RANBP17: variants seen among roughly 807,000 people sequenced by gnomAD.
RANBP17 encodes ran-binding protein 17.
A neutral mutation model predicts 141.2 loss-of-function variants in RANBP17; 158 were observed. The ratio of observed to expected loss-of-function variants is 1.12; its 90% confidence interval spans 0.98 to 1.28. RANBP17 has a LOEUF of 1.28. RANBP17 is among the 50% of genes most tolerant of loss of function. The probability of loss-of-function intolerance (pLI) is 0.00; values close to 1 mark genes in which losing one functional copy is unlikely to be tolerated. For synonymous variants in RANBP17, 430 were observed against 450.0 expected, an observed-to-expected ratio of 0.96 and a Z score of 0.56; for missense variants, 1,438 against 1,290.7, an observed-to-expected ratio of 1.11 and a Z score of -1.75.
At chr5:171,093,537 G>C (rs141560430) in intron 14 of RANBP17, among the ~76,000 whole-genome samples, 2 of 152,280 alleles carry the variant, frequency 1.3e-5, no homozygotes, top group African/African-American at 4.8e-5. Context: ...TTCTGGAAAA[G>C]CACCTGCCAA....
chr5:171,216,382 C>T (rs1581044573), intron 21 of RANBP17, among the ~76,000 whole-genome samples: 2 of 152,110 alleles, frequency 1.3e-5, no homozygotes, highest in African/African-American at 4.8e-5. Flanking sequence ...CTTGGCTATA[C>T]GTGCCCTTTT....
chr5:171,034,990 T>C (rs1170456098), intron 14 of RANBP17, among the ~76,000 whole-genome samples: 1 of 152,008 alleles, frequency 6.6e-6, no homozygotes, highest in Non-Finnish European at 1.5e-5. Context: ...GGTTTGGTTT[T>C]TTTTTCTTAA....
chr5:171,134,492 T>C (rs977491949), intron 14 of RANBP17, among the ~76,000 whole-genome samples: 3 of 152,210 alleles, frequency 2.0e-5, no homozygotes, highest in Non-Finnish European at 4.4e-5. Flanking sequence ...GGGAAATGTC[T>C]CTGACAGGCA....
chr5:171,087,427 A>C (rs1458289012), intron 14 of RANBP17, among the ~76,000 whole-genome samples: 1 of 152,110 alleles, frequency 6.6e-6, no homozygotes, highest in South Asian at 2.1e-4. Context: ...GTGCTGAAAA[A>C]AATGTATATT....
At chr5:171,074,555 A>C (rs1784805703) in intron 14 of RANBP17, among the ~76,000 whole-genome samples, 1 of 152,206 alleles carries the variant, frequency 6.6e-6, no homozygotes, top group Non-Finnish European at 1.5e-5. Context: ...GGAGAAGCTC[A>C]ATAGAGGATA....
At chr5:170,874,212 T>C (rs1767980560) in intron 1 of RANBP17, among the ~76,000 whole-genome samples, 1 of 152,194 alleles carries the variant, frequency 6.6e-6, no homozygotes, top group African/African-American at 2.4e-5. Context: ...CTGTTATGAT[T>C]TCAGTTCTTT....
At chr5:170,950,941 G>A (rs1775162479) in intron 12 of RANBP17, among the ~76,000 whole-genome samples, 1 of 152,062 alleles carries the variant, frequency 6.6e-6, no homozygotes, top group South Asian at 2.1e-4. Context: ...AGGTGGAACT[G>A]GAGGTTAAGT....
At chr5:170,925,283 T>G (rs1772828505) in intron 12 of RANBP17, among the ~76,000 whole-genome samples, 1 of 152,162 alleles carries the variant, frequency 6.6e-6, no homozygotes, top group South Asian at 2.1e-4. Context: ...ATCCTTTACA[T>G]TTGAATAATG....
chr5:171,075,813 C>T (rs1488085858), intron 14 of RANBP17, among the ~76,000 whole-genome samples: 1 of 151,998 alleles, frequency 6.6e-6, no homozygotes, highest in Non-Finnish European at 1.5e-5. Flanking sequence ...ATTAGCTGGG[C>T]ATGGTGACAC....
intron 20 of RANBP17, among the ~76,000 whole-genome samples, chr5:171,209,326 A>G (rs1359154105): frequency 6.6e-6 from 1 of 152,192 alleles, no homozygotes; most frequent in Non-Finnish European, 1.5e-5. Flanking sequence ...ATATCAGTCT[A>G]AGGAATTTAG....
At chr5:170,930,157 T>G (rs186624340) in intron 12 of RANBP17, among the ~76,000 whole-genome samples, 2 of 151,718 alleles carry the variant, frequency 1.3e-5, no homozygotes, top group East Asian at 3.9e-4. Context: ...ATTTCACTGA[T>G]TTTTTTTCGC....
chr5:170,984,735 A>G (rs186085417), intron 14 of RANBP17, among the ~76,000 whole-genome samples: 20 of 152,338 alleles, frequency 1.3e-4, no homozygotes, highest in African/African-American at 4.8e-4. Flanking sequence ...AATATTTCTT[A>G]GACTGTATCA....
chr5:170,965,703 A>C (rs1176994167), intron 13 of RANBP17, among the ~76,000 whole-genome samples: 1 of 152,236 alleles, frequency 6.6e-6, no homozygotes, highest in East Asian at 1.9e-4. Flanking sequence ...AAGATCAGAT[A>C]GTTGTAGATA....
At chr5:170,936,306 A>G (rs1351694612) in intron 12 of RANBP17, among the ~76,000 whole-genome samples, 1 of 152,126 alleles carries the variant, frequency 6.6e-6, no homozygotes, top group African/African-American at 2.4e-5. Context: ...AGCCCTAGTG[A>G]GATGAATCCG....
intron 12 of RANBP17, among the ~76,000 whole-genome samples, chr5:170,933,177 A>G (rs1773549026): frequency 1.3e-5 from 2 of 152,284 alleles, no homozygotes; most frequent in Middle Eastern, 3.4e-3. Context: ...CATTTCTTCT[A>G]GATTTTCTAA....
intron 14 of RANBP17, among the ~76,000 whole-genome samples, chr5:171,112,937 C>G (rs2127761923): frequency 6.6e-6 from 1 of 152,264 alleles, no homozygotes; most frequent in Admixed American, 6.5e-5. Flanking sequence ...TCTATGCCCA[C>G]AAGCAAAGTT....
At chr5:171,037,941 T>C (rs776612615) in intron 14 of RANBP17, among the ~76,000 whole-genome samples, 17 of 152,174 alleles carry the variant, frequency 1.1e-4, no homozygotes, top group Non-Finnish European at 2.4e-4. Flanking sequence ...AGAATAGTTT[T>C]TTTTTACTTC....
intron 12 of RANBP17, among the ~76,000 whole-genome samples, chr5:170,941,906 C>T (rs1048164557): frequency 6.6e-6 from 1 of 152,080 alleles, no homozygotes; most frequent in African/African-American, 2.4e-5. Flanking sequence ...ACCCTTGAAC[C>T]GTCACATGTG....
rs572332474 is a variant in RANBP17 at position 170,960,698 on chromosome 5, C to G, written c.1574+6996C>G. Among the ~76,000 whole-genome samples, 4 of 152,276 alleles carry G rather than the reference C, an allele frequency of 2.6e-5. No individual in the cohort carries two copies. In the South Asian group the frequency reaches 8.3e-4, roughly 32 times the overall value. On this transcript the variant is annotated intron_variant, in intron 13 of 27. Coordinates refer to ENST00000523189, the MANE Select transcript of RANBP17 (RefSeq NM_022897.5). ...TCCTTTTGCAGCCAGAGTAATCTTT[C>G]TAAAGTACAGATCTGATTATGTCAA...
Sources: gnomAD v4.1 joint callset for allele counts (sites outside exome capture counted in the v4.1 genomes callset) on GRCh38, gnomAD v4.1.1 for gene constraint, MANE v1.5 for transcripts, NCBI Gene and HGNC (gene_info 2026-07-23, HGNC 2026-07-21) for gene names.